Variants in LRRIQ1 observed in about 807,000 individuals in gnomAD.
LRRIQ1 encodes leucine-rich repeat- and IQ domain-containing protein 1.
A neutral mutation model predicts 211.9 loss-of-function variants in LRRIQ1; 210 were observed. The observed-to-expected ratio is 0.99, with a 90% CI of 0.89 to 1.11. The LOEUF (loss-of-function observed/expected upper bound fraction) is 1.11, where lower values mean the gene tolerates loss of function less well. LRRIQ1 is among the 50% of genes most tolerant of loss of function. The pLI is 0.00. For missense variants in LRRIQ1, 2,136 were observed against 1,939.5 expected (o/e 1.10, Z -1.90); for synonymous variants, 699 against 650.1 (o/e 1.08, Z -1.14).
chr12:85,173,597 G>C (rs1204982233), intron 24 of LRRIQ1, among the ~76,000 whole-genome samples: 1 of 151,564 alleles, frequency 6.6e-6, no homozygotes, highest in Non-Finnish European at 1.5e-5. Context: ...CAGAAAGCTA[G>C]AGACTACACA....
rs1273058431 is a variant in LRRIQ1, at chr12:85,046,043, A to G, written c.360A>G (p.Glu120=). The change falls in exon 5 of 27, where the codon GAA becomes GAG. Residue 120 remains glutamate, a synonymous_variant. Coordinates refer to ENST00000393217, the MANE Select transcript of LRRIQ1 (RefSeq NM_001079910.2). ...LIKILSEIEK[E]EFMRSKTDCA... ...AGATATTATCTGAAATAGAAAAAGA[A>G]GAATTTATGAGAAGTAAAACCGATT... 6.2e-7 allele frequency: 1 copy of G among 1,608,776 alleles called. No individual in the cohort carries two copies. Among genetic ancestry groups the G allele is most frequent in the Non-Finnish European group, 8.5e-7 (1 of 1,176,118 alleles).
At chr12:85,196,783 C>T (rs1461847763) in intron 24 of LRRIQ1, among the ~76,000 whole-genome samples, 5 of 151,344 alleles carry the variant, frequency 3.3e-5, no homozygotes, top group East Asian at 1.9e-4. Context: ...ACTTCATGTC[C>T]AAAACACCAA....
At chr12:85,077,333 A>G (rs930859196) in intron 11 of LRRIQ1, among the ~76,000 whole-genome samples, 1 of 152,212 alleles carries the variant, frequency 6.6e-6, no homozygotes, top group Non-Finnish European at 1.5e-5. Flanking sequence ...GAGTAAACAC[A>G]CTTGACTTAA....
intron 14 of LRRIQ1, among the ~76,000 whole-genome samples, chr12:85,105,067 G>A (rs1886670962): frequency 6.6e-6 from 1 of 151,822 alleles, no homozygotes; most frequent in Non-Finnish European, 1.5e-5. Context: ...CTATTCAAGT[G>A]TTTCACCATT....
intron 24 of LRRIQ1, among the ~76,000 whole-genome samples, chr12:85,163,340 A>G (rs541232136): frequency 1.1e-4 from 15 of 141,404 alleles, no homozygotes; most frequent in Admixed American, 1.0e-3. Context: ...GTGGTTGGGC[A>G]TCTGATGCCC....
intron 18 of LRRIQ1, among the ~76,000 whole-genome samples, chr12:85,135,768 T>A (rs559583127): frequency 9.0e-4 from 137 of 152,160 alleles, no homozygotes; most frequent in Admixed American, 2.0e-3. Flanking sequence ...TTTAAAATTG[T>A]CCTTGCTTTC....
Position 85,072,942 on chromosome 12 carries a change from A to G in LRRIQ1, c.2731A>G (p.Asn911Asp). ...CTTTCTGGAAGAAAAACTTGTTGAC[A>G]ATGCAGGGTTCTGCCATCACTTGGG... ...SFFLEEKLVD[N>D]AGFCHHLGTS... Residue 911 changes from asparagine (N) to aspartate (D), a missense_variant, in exon 11 of 27, where the codon AAT (asparagine) becomes GAT (aspartate). Transcript: ENST00000393217. 1 of 1,610,334 alleles carries G rather than the reference A, an allele frequency of 6.2e-7. No individual in the cohort carries two copies. Among genetic ancestry groups the G allele is most frequent in the South Asian group, 1.1e-5 (1 of 90,552 alleles).
chr12:85,227,924 A>G (rs967308498), intron 24 of LRRIQ1, among the ~76,000 whole-genome samples: 8 of 152,116 alleles, frequency 5.3e-5, no homozygotes, highest in African/African-American at 1.7e-4. Context: ...AATGGGGAAA[A>G]GATTCCCTAT....
intron 8 of LRRIQ1, among the ~76,000 whole-genome samples, chr12:85,058,480 G>A (rs1029557449): frequency 3.9e-5 from 6 of 151,944 alleles, no homozygotes; most frequent in African/African-American, 1.2e-4. Flanking sequence ...CAAGAGTGAT[G>A]GCTTCATGCC....
chr12:85,124,639 C>A (rs573706032), intron 17 of LRRIQ1, 120 bp downstream of exon 17: 3 of 763,836 alleles, frequency 3.9e-6, no homozygotes, highest in Admixed American at 2.5e-5. Flanking sequence ...TATTTCATAC[C>A]GATTCCATTA....
At chr12:85,095,777 G>A (rs1276723601) in intron 11 of LRRIQ1, among the ~76,000 whole-genome samples, 1 of 151,778 alleles carries the variant, frequency 6.6e-6, no homozygotes, top group African/African-American at 2.4e-5. Context: ...GGCTCTTTTT[G>A]GTTAGTTAGT....
In LRRIQ1 at chr12:85,124,255, T is replaced by G; in HGVS notation, c.3743T>G (p.Val1248Gly). 1 of 1,613,342 alleles carries G rather than the reference T, an allele frequency of 6.2e-7. No homozygotes were observed. Among genetic ancestry groups the G allele is most frequent in the South Asian group, 1.1e-5 (1 of 91,058 alleles). ...AGTGACAGCACTCTGCAAAATGGAG[T>G]CTTCTACTCTTGTGCACGTGAAGGT... ...TNSDSTLQNGVFYSCAREGEP... is the reference protein window; with the variant it reads ...TNSDSTLQNGGFYSCAREGEP... Residue 1248 changes from valine (V) to glycine (G), a missense_variant, in exon 17 of 27, where the codon GTC becomes GGC. Val to Gly is a moderately radical substitution (Grantham distance 109, BLOSUM62 -3). Transcript: ENST00000393217.
intron 24 of LRRIQ1, 104 bp from the exon 25 acceptor site, chr12:85,229,412 AT>A (rs1001268447): frequency 3.4e-4 from 288 of 851,820 alleles, no homozygotes; most frequent in Admixed American, 8.9e-4. Flanking sequence ...ATAAGTTAGT[AT>A]TTTTTTTTCT....
At chr12:85,071,731 G>T (rs1690843) in intron 10 of LRRIQ1, among the ~76,000 whole-genome samples, 3,615 of 152,100 alleles carry the variant, frequency 0.024, 148 homozygotes, top group African/African-American at 0.081. Flanking sequence ...GGAAGACAAT[G>T]CAAGAGCAAA....
At chr12:85,109,067 C>T (rs1227064339) in intron 15 of LRRIQ1, among the ~76,000 whole-genome samples, 2 of 152,060 alleles carry the variant, frequency 1.3e-5, no homozygotes, top group African/African-American at 2.4e-5. Flanking sequence ...GTGGCCATGT[C>T]CAGGAAGATC....
intron 24 of LRRIQ1, among the ~76,000 whole-genome samples, chr12:85,166,071 C>T (rs184873220): frequency 5.3e-5 from 8 of 152,264 alleles, no homozygotes; most frequent in African/African-American, 1.7e-4. Context: ...CCCACAGAGC[C>T]TATATTTTTG....
chr12:85,178,700 C>T (rs952319156), intron 24 of LRRIQ1, among the ~76,000 whole-genome samples: 3 of 151,806 alleles, frequency 2.0e-5, no homozygotes, highest in South Asian at 4.2e-4. Context: ...ACCTGGGACC[C>T]CTCCTTTTTA....
At position 85,056,332 on chromosome 12, in the gene LRRIQ1, A is replaced by T. The variant is rs1417001914; in HGVS notation, c.1539A>T (p.Gly513=). ...YENTDNKTEL[G]NSDLKGNLKE... Reference sequence around the variant, plus strand: ...ATACAGATAACAAAACTGAATTGGGAAACTCTGATCTAAAAGGAAATCTGA... The same window carrying T: ...ATACAGATAACAAAACTGAATTGGGTAACTCTGATCTAAAAGGAAATCTGA... Residue 513 remains glycine (G), a synonymous_variant, in exon 8 of 27, where the codon GGA becomes GGT. Coordinates refer to ENST00000393217, the MANE Select transcript of LRRIQ1 (RefSeq NM_001079910.2). The T allele has an allele frequency of 1.3e-6, 2 of 1,598,744 alleles. No individual in the cohort carries two copies. The highest frequency in any genetic ancestry group is 2.7e-5 in the African/African-American group (2 of 73,918).
chr12:85,095,361 A>G (rs1268966488), intron 11 of LRRIQ1, among the ~76,000 whole-genome samples: 1 of 152,120 alleles, frequency 6.6e-6, no homozygotes, highest in Admixed American at 6.6e-5. Flanking sequence ...TTCTGTGTCT[A>G]TTGAGAGGAT....
Sources: gnomAD v4.1 joint callset for allele counts (sites outside exome capture counted in the v4.1 genomes callset) on GRCh38, gnomAD v4.1.1 for gene constraint, MANE v1.5 for transcripts, NCBI Gene and HGNC (gene_info 2026-07-23, HGNC 2026-07-21) for gene names.